Variants in LTN1 observed in about 807,000 individuals in gnomAD.
The protein encoded by LTN1 is listerin E3 ubiquitin protein ligase 1, also known as E3 ubiquitin-protein ligase listerin.
LTN1 carries 88 observed loss-of-function variants against 201.2 expected under a neutral mutation model. That is an observed-to-expected ratio of 0.44 (90% CI 0.37 to 0.52). LTN1 has a LOEUF of 0.52. LTN1 is among the 20% of genes least tolerant of loss of function. The pLI is 0.00. For missense variants in LTN1, 1,752 were observed against 2,038.7 expected (o/e 0.86, Z 2.71); for synonymous variants, 645 against 713.5 (o/e 0.90, Z 1.53).
chr21:28,963,073 T>G (rs2084492954), intron 11 of LTN1, among the ~76,000 whole-genome samples: 1 of 152,144 alleles, frequency 6.6e-6, no homozygotes, highest in African/African-American at 2.4e-5. Flanking sequence ...AGAAACCATC[T>G]CCACAATACA....
chr21:28,976,118 T>TAA lies in LTN1; in HGVS notation c.811-4676_811-4675dup, dbSNP rs11300900. Among the ~76,000 whole-genome samples, 75 of 145,232 alleles carry TAA rather than the reference T, an allele frequency of 5.2e-4. 1 individual carries two copies. The highest frequency in any genetic ancestry group is 3.5e-3 in the Middle Eastern group (1 of 286). ...AAGGACAAAAGGAATGCATTTTGGGTAAAAAAAAAAAAAGTTCTATTTCTT... is the reference window on the plus strand; with the variant it reads ...AAGGACAAAAGGAATGCATTTTGGGTAAAAAAAAAAAAAAAGTTCTATTTCTT... On this transcript the variant is annotated intron_variant, in intron 6 of 29. Coordinates refer to ENST00000361371, the MANE Select transcript of LTN1 (RefSeq NM_015565.3).
chr21:28,962,658 C>T (rs1301311721), intron 11 of LTN1, among the ~76,000 whole-genome samples: 2 of 152,208 alleles, frequency 1.3e-5, no homozygotes, highest in African/African-American at 2.4e-5. Context: ...ACAATGGCCT[C>T]TAAATGTTCA....
intron 1 of LTN1, among the ~76,000 whole-genome samples, chr21:28,988,987 A>G (rs925187849): frequency 6.6e-6 from 1 of 151,982 alleles, no homozygotes; most frequent in African/African-American, 2.4e-5. Context: ...AGAAAAGAAT[A>G]AAAGAATGGC....
In LTN1 at chr21:28,944,363, T is replaced by C; in HGVS notation, c.3982+20A>G. 1 of 1,573,908 alleles carries C rather than the reference T, an allele frequency of 6.4e-7. No individual in the cohort carries two copies. Among genetic ancestry groups the C allele is most frequent in the East Asian group, 2.2e-5 (1 of 44,726 alleles). On this transcript the variant is annotated intron_variant, in intron 22 of 29. Coordinates refer to ENST00000361371, the MANE Select transcript of LTN1 (RefSeq NM_015565.3). Reference sequence around the variant, plus strand: ...CATTTCCAATGAATCAATCTCACTATTATTCCCTTTTTCACTTGCCTGTAA... The same window carrying C: ...CATTTCCAATGAATCAATCTCACTACTATTCCCTTTTTCACTTGCCTGTAA...
intron 11 of LTN1, 148 bp downstream of exon 11, chr21:28,965,717 T>C: frequency 1.8e-6 from 1 of 546,552 alleles, no homozygotes; most frequent in Non-Finnish European, 3.3e-6. Context: ...TCTTCCCACA[T>C]TATAGGAAGA....
chr21:28,943,706 G>A lies in LTN1; in HGVS notation c.4181C>T (p.Ala1394Val). The A allele has an allele frequency of 6.2e-7, 1 of 1,613,646 alleles. No individual in the cohort carries two copies. Among genetic ancestry groups the A allele is most frequent in the Admixed American group, 1.7e-5 (1 of 59,998 alleles). Residue 1394 changes from alanine to valine, a missense_variant, in exon 23 of 30, where the codon GCT (alanine) becomes GTT (valine). This residue lies in a region of LTN1 where 1,211 missense variants were observed against 1,312.8 expected (regional missense o/e 0.92). Coordinates refer to ENST00000361371, the MANE Select transcript of LTN1 (RefSeq NM_015565.3). ...ATAAACAGCAATTTGCACAGGCCTA[G>A]CTCTGAAGAGGAGTAATGGGGCCAA... ...NTLAPLLLFR[A>V]RPVQIAVYHM...
intron 16 of LTN1, 96 bp from the exon 17 acceptor site, chr21:28,953,472 G>C (rs942968650): frequency 1.2e-6 from 1 of 852,290 alleles, no homozygotes; most frequent in Non-Finnish European, 1.8e-6. Context: ...ACACTGTTGT[G>C]CCCACTCATC....
chr21:28,970,493 T>C, intron 8 of LTN1, 59 bp downstream of exon 8: 1 of 1,104,904 alleles, frequency 9.1e-7, no homozygotes. Context: ...AGAAAGAAAA[T>C]GAGTATAAAA....
At chr21:28,963,039 G>T (rs1429867769) in intron 11 of LTN1, among the ~76,000 whole-genome samples, 1 of 152,204 alleles carries the variant, frequency 6.6e-6, no homozygotes, top group Non-Finnish European at 1.5e-5. Context: ...CGCTAGCAAA[G>T]GGTGGTTCAT....
intron 4 of LTN1, 98 bp from the exon 5 acceptor site, chr21:28,982,466 C>A: frequency 1.2e-6 from 1 of 852,792 alleles, no homozygotes; most frequent in Non-Finnish European, 1.9e-6. Flanking sequence ...TTAAAAATCC[C>A]CATAAACATC....
rs548952342 is a variant in LTN1, at chr21:28,967,028, A to G, written c.1463T>C (p.Ile488Thr). The G allele has an allele frequency of 6.2e-6, 10 of 1,614,134 alleles. No homozygotes were observed. The South Asian group carries it at 7.7e-5, about 12-fold the overall frequency. The change falls in exon 10 of 30, where the codon ATA (isoleucine) becomes ACA (threonine). Residue 488 changes from isoleucine to threonine, a missense_variant. Transcript: ENST00000361371. ...CTCTGACAGTCTTTCCCAGAAATGT[A>G]TCAGTACGTTCTCCAAGTTGTGAGC... ...KTAHNLENVL[I>T]HFWERLSEIC...
chr21:28,956,804 T>C lies in LTN1; in HGVS notation c.3037A>G (p.Arg1013Gly). ...LLSKMVLIAL[R>G]KETVLENNEL... Reference sequence around the variant, plus strand: ...TTATTTTCTAAGACTGTTTCCTTTCTCAGTGCAATTAAGACCATTTTGCTC... The same window carrying C: ...TTATTTTCTAAGACTGTTTCCTTTCCCAGTGCAATTAAGACCATTTTGCTC... Residue 1013 changes from arginine to glycine, a missense_variant, in exon 16 of 30, where the codon AGA becomes GGA. Around this residue, in one of 3 missense-constraint regions of LTN1, gnomAD observed 1,211 missense variants for 1,312.8 expected, o/e 0.92. Transcript: ENST00000361371. 2 of 1,609,442 alleles carry C rather than the reference T, an allele frequency of 1.2e-6. No homozygotes were observed. Among genetic ancestry groups the C allele is most frequent in the Non-Finnish European group, 1.7e-6 (2 of 1,177,572 alleles).
chr21:28,961,363 A>C (rs912063063), intron 11 of LTN1: 5 of 156,518 alleles, frequency 3.2e-5, no homozygotes, highest in African/African-American at 1.2e-4. Flanking sequence ...TCTGATATAG[A>C]GTTACTAGGG....
chr21:28,960,368 GAAAA>G (rs893945145), intron 12 of LTN1, 145 bp downstream of exon 12: 1 of 546,752 alleles, frequency 1.8e-6, no homozygotes, highest in Non-Finnish European at 3.1e-6. Context: ...AAAAAAAAAA[GAAAA>G]AAGAAAAGAA....
chr21:28,944,693 A>G, intron 21 of LTN1, 97 bp from the exon 22 acceptor site: 1 of 886,756 alleles, frequency 1.1e-6, no homozygotes, highest in South Asian at 1.8e-5. Flanking sequence ...CATTTCTTTG[A>G]ATTTTAAAAC....
chr21:28,958,466 T>C lies in LTN1; in HGVS notation c.2667A>G (p.Ser889=), dbSNP rs111737003. 1.6e-5 allele frequency: 25 copies of C among 1,612,238 alleles called. No homozygotes were observed. In the African/African-American group the frequency reaches 2.9e-4, roughly 19 times the overall value. ...AATGTAGGAAGGTACTCTCTTTATATGAACTGTCAGTTTGATGAACCAATA... is the reference window on the plus strand; with the variant it reads ...AATGTAGGAAGGTACTCTCTTTATACGAACTGTCAGTTTGATGAACCAATA... ...VNLLVHQTDS[S]YKESTFLHLS... Residue 889 remains serine, a synonymous_variant, in exon 14 of 30, where the codon TCA becomes TCG. Coordinates refer to ENST00000361371, the MANE Select transcript of LTN1 (RefSeq NM_015565.3).
At chr21:28,945,496 A>G (rs1386994580) in intron 21 of LTN1, among the ~76,000 whole-genome samples, 3 of 152,184 alleles carry the variant, frequency 2.0e-5, no homozygotes, top group African/African-American at 7.2e-5. Context: ...ATAACCAAAA[A>G]AGACCAAAAT....
At chr21:28,946,114 T>C (rs1255786373) in intron 20 of LTN1, 38 bp downstream of exon 20, 2 of 1,540,674 alleles carry the variant, frequency 1.3e-6, no homozygotes, top group Non-Finnish European at 1.8e-6. Context: ...GTCTGAATTG[T>C]ATACTGAAGG....
chr21:28,981,980 C>T (rs1217051016), intron 5 of LTN1, among the ~76,000 whole-genome samples: 1 of 152,130 alleles, frequency 6.6e-6, no homozygotes, highest in East Asian at 1.9e-4. Flanking sequence ...TTCGGGAGGC[C>T]GAGGCGGGTG....
Sources: gnomAD v4.1 joint callset for allele counts (sites outside exome capture counted in the v4.1 genomes callset) on GRCh38, gnomAD v4.1.1 for gene constraint, gnomAD v4.1.1 regional missense constraint, MANE v1.5 for transcripts, NCBI Gene and HGNC (gene_info 2026-07-23, HGNC 2026-07-21) for gene names.